The following LYPD1 variants were observed in gnomAD, a reference collection of about 807,000 sequenced individuals.
The protein encoded by LYPD1 is LY6/PLAUR domain containing 1.
Under a neutral mutation model 14.2 loss-of-function variants are expected in LYPD1, and 14 were observed. The ratio of observed to expected loss-of-function variants is 0.99; its 90% CI spans 0.65 to 1.54. LYPD1 has a LOEUF of 1.54. Among genes scored for constraint, LYPD1 ranks in the 40% most tolerant of loss-of-function variants. The pLI is 0.00. For synonymous variants in LYPD1, 85 were observed against 70.6 expected (o/e 1.20, Z -1.02); for missense variants, 165 against 175.7 (o/e 0.94, Z 0.34).
chr2:132,644,790 A>G lies in LYPD1; in HGVS notation c.*1255T>C, dbSNP rs1312368389. The G allele has an allele frequency of 2.8e-5, 9 of 322,642 alleles. No individual in the cohort carries two copies. Among genetic ancestry groups the G allele is most frequent in the Non-Finnish European group, 4.0e-5 (7 of 177,210 alleles). 20.0% of individuals were successfully genotyped at this position (322,642 alleles called of 1,614,324 possible). On this transcript the variant is annotated 3_prime_UTR_variant, in exon 3 of 3. Transcript: ENST00000397463. ...ATGGATAACATGAACTGCTTTCTGGATACGCAAACAAACACCAATGAAAAC... is the reference window on the plus strand; with the variant it reads ...ATGGATAACATGAACTGCTTTCTGGGTACGCAAACAAACACCAATGAAAAC...
At position 132,648,619 on chromosome 2, in the gene LYPD1, T is replaced by A. The variant is rs72985841; in HGVS notation, c.191-2339A>T. Among the ~76,000 whole-genome samples, 104 of 152,368 alleles carry A rather than the reference T, an allele frequency of 6.8e-4. 1 individual carries two copies. The highest frequency in any genetic ancestry group is 2.5e-3 in the African/African-American group (102 of 41,590). On this transcript the variant is annotated intron_variant, in intron 2 of 2. Coordinates refer to ENST00000397463, the MANE Select transcript of LYPD1 (RefSeq NM_144586.7). ...TTAGTTGGATAAATAGTGCATGTCCTTATGAAGAGATGGACTAACAGAGCC... is the reference window on the plus strand; with the variant it reads ...TTAGTTGGATAAATAGTGCATGTCCATATGAAGAGATGGACTAACAGAGCC...
intron 2 of LYPD1, among the ~76,000 whole-genome samples, chr2:132,655,012 A>G (rs912697003): frequency 2.6e-5 from 4 of 152,130 alleles, no homozygotes; most frequent in African/African-American, 7.2e-5. Flanking sequence ...GATTACAAGC[A>G]TGAGCCACGG....
At chr2:132,660,778 T>C (rs2244888) in intron 2 of LYPD1, among the ~76,000 whole-genome samples, 100,689 of 152,084 alleles carry the variant, frequency 0.66, 34,654 homozygotes, top group African/African-American at 0.86. Context: ...ATATGTCTCA[T>C]GGTTAAATGA....
At chr2:132,648,576 G>A (rs556780865) in intron 2 of LYPD1, among the ~76,000 whole-genome samples, 1 of 152,364 alleles carries the variant, frequency 6.6e-6, no homozygotes, top group South Asian at 2.1e-4. Context: ...CAGGGTTAAG[G>A]ATCAGTGATG....
At chr2:132,671,269 A>C (rs1366195678), upstream of LYPD1, 1 of 152,382 alleles carries the variant, frequency 6.6e-6, no homozygotes, top group Non-Finnish European at 1.5e-5. Flanking sequence ...TGCCCGCCGG[A>C]GTGCGTTGGT....
intron 2 of LYPD1, among the ~76,000 whole-genome samples, chr2:132,650,939 C>A (rs1277957533): frequency 6.6e-6 from 1 of 151,986 alleles, no homozygotes; most frequent in Non-Finnish European, 1.5e-5. Flanking sequence ...GGATTTAAGC[C>A]CAGGAGATCT....
intron 2 of LYPD1, among the ~76,000 whole-genome samples, chr2:132,660,944 A>T (rs2104917930): frequency 6.6e-6 from 1 of 152,288 alleles, no homozygotes; most frequent in Admixed American, 6.5e-5. Context: ...ACCTCTCTCA[A>T]CCTGCTTTAT....
intron 2 of LYPD1, among the ~76,000 whole-genome samples, chr2:132,655,514 A>ATTTTTTTTTTTTTTTTTT (rs1180944589): frequency 1.0e-5 from 1 of 99,458 alleles, no homozygotes; most frequent in African/African-American, 4.8e-5. Context: ...GTTGAGAAGC[A>ATTTTTTTTTTTTTTTTTT]TTTTTTTTTT....
chr2:132,660,820 T>C (rs1020062425), intron 2 of LYPD1, among the ~76,000 whole-genome samples: 3 of 152,118 alleles, frequency 2.0e-5, no homozygotes, highest in African/African-American at 7.3e-5. Context: ...AAGGCTGTAA[T>C]CAAATGATTT....
chr2:132,646,330 T>G, intron 2 of LYPD1, 50 bp from the exon 3 acceptor site: 1 of 1,287,878 alleles, frequency 7.8e-7, no homozygotes, highest in Non-Finnish European at 1.0e-6. Context: ...GGCAAAAGAA[T>G]AGCTGTCCCT....
Position 132,646,080 on chromosome 2 carries a change from A to G in LYPD1, c.391T>C (p.Phe131Leu), listed in dbSNP as rs757079418. The change falls in exon 3 of 3, where the codon TTC (phenylalanine) becomes CTC (leucine). Residue 131 changes from phenylalanine (F) to leucine (L), a missense_variant. Transcript: ENST00000397463. The part of the protein sequence containing the change: ...LRPGLRTTIL[F>L]LKLALFSAHC ...GCCGAGAAGAGGGCTAATTTGAGGA[A>G]CAGGATGGTGGTGCGGAGCCCTGGC... The G allele has an allele frequency of 1.3e-5, 21 of 1,598,586 alleles. No individual in the cohort carries two copies. Among genetic ancestry groups the G allele is most frequent in the Non-Finnish European group, 1.4e-5 (16 of 1,171,370 alleles).
intron 2 of LYPD1, among the ~76,000 whole-genome samples, chr2:132,653,115 A>G (rs74426197): frequency 0.028 from 4,323 of 152,242 alleles, 208 homozygotes; most frequent in African/African-American, 0.098. Flanking sequence ...AATGGGATGG[A>G]GGAAACTAAA....
rs200913815 is a variant in LYPD1 at position 132,657,805 on chromosome 2, CAATT to C, written c.190+10591_190+10594del. Among the ~76,000 whole-genome samples the C allele has an allele frequency of 9.2e-3, 1,404 of 152,228 alleles. 28 individuals are homozygous for C. The highest frequency in any genetic ancestry group is 0.03 in the African/African-American group (1,241 of 41,522). On this transcript the variant is annotated intron_variant, in intron 2 of 2. Coordinates refer to ENST00000397463, the MANE Select transcript of LYPD1 (RefSeq NM_144586.7). ...TCCTTTGACTATACATTTCAGCGTTCAATTGAGGTAAAATAATGGTGATTTTCGG... is the reference window on the plus strand; with the variant it reads ...TCCTTTGACTATACATTTCAGCGTTCGAGGTAAAATAATGGTGATTTTCGG...
At chr2:132,655,514 A>AT (rs1180944589) in intron 2 of LYPD1, among the ~76,000 whole-genome samples, 1,681 of 99,418 alleles carry the variant, frequency 0.017, 57 homozygotes, top group South Asian at 0.03. Flanking sequence ...GTTGAGAAGC[A>AT]TTTTTTTTTT....
chr2:132,645,966 G>A lies in LYPD1; in HGVS notation c.*79C>T. 9.1e-7 allele frequency: 1 copy of A among 1,093,314 alleles called. No individual in the cohort carries two copies. Among genetic ancestry groups the A allele is most frequent in the Non-Finnish European group, 1.3e-6 (1 of 769,968 alleles). The allele number at this position is 1,093,314 out of a possible 1,614,324, so 67.7% of individuals were successfully genotyped here. A position where few individuals can be genotyped will look rare whatever the true frequency, so the allele number is the denominator to read the frequency against. ...ACCCAGAATAAAAGGACACCCAGAA[G>A]AAACTCACTCAGGGAGGTGGGGGGT... On this transcript the variant is annotated 3_prime_UTR_variant, in exon 3 of 3. Coordinates refer to ENST00000397463, the MANE Select transcript of LYPD1 (RefSeq NM_144586.7).
chr2:132,666,230 T>C (rs774777415), intron 2 of LYPD1, among the ~76,000 whole-genome samples: 2 of 152,200 alleles, frequency 1.3e-5, no homozygotes, highest in Non-Finnish European at 2.9e-5. Flanking sequence ...CTATCCTTAT[T>C]GGCAAAAAAT....
At position 132,645,370 on chromosome 2, in the gene LYPD1, G is replaced by C; in HGVS notation, c.*675C>G. The C allele has an allele frequency of 1.2e-6, 2 of 1,613,812 alleles. No individual in the cohort carries two copies. The highest frequency in any genetic ancestry group is 1.7e-6 in the Non-Finnish European group (2 of 1,179,990). ...CGCCAACCACGAGAAGCGCCTGCGCGTACATGCGCACTCCACCACCGACAG... is the reference window on the plus strand; with the variant it reads ...CGCCAACCACGAGAAGCGCCTGCGCCTACATGCGCACTCCACCACCGACAG... On this transcript the variant is annotated 3_prime_UTR_variant, in exon 3 of 3. Coordinates refer to ENST00000397463, the MANE Select transcript of LYPD1 (RefSeq NM_144586.7).
At position 132,661,835 on chromosome 2, in the gene LYPD1, C is replaced by T. The variant is rs148906541; in HGVS notation, c.190+6565G>A. On this transcript the variant is annotated intron_variant, in intron 2 of 2. Transcript: ENST00000397463. ...ATAGTTACACTTCTCTATGAATAAA[C>T]GAAAAACCACATAATTGCATACTTT... is the stretch of plus-strand genomic sequence containing the variant. Among the ~76,000 whole-genome samples, 951 of 150,090 alleles carry T rather than the reference C, an allele frequency of 6.3e-3. 10 individuals are homozygous for T. The highest frequency in any genetic ancestry group is 0.022 in the African/African-American group (879 of 40,754).
At position 132,646,174 on chromosome 2, in the gene LYPD1, G is replaced by A. The variant is rs1198585307; in HGVS notation, c.297C>T (p.Ser99=). ...SPGKLNSVCI[S]CCNTPLCNGP... ...CGTTACAAAGAGGGGTGTTGCAGCA[G>A]CTGATGCAAACTGAGTTCAGTTTCC... Residue 99 remains serine (S), a synonymous_variant, in exon 3 of 3, where the codon AGC becomes AGT. Coordinates refer to ENST00000397463, the MANE Select transcript of LYPD1 (RefSeq NM_144586.7). The A allele has an allele frequency of 6.8e-6, 11 of 1,611,162 alleles. No individual in the cohort carries two copies. Among genetic ancestry groups the A allele is most frequent in the Non-Finnish European group, 8.5e-6 (10 of 1,178,482 alleles).
Sources: gnomAD v4.1 joint callset for allele counts (sites outside exome capture counted in the v4.1 genomes callset) on GRCh38, gnomAD v4.1.1 for gene constraint, MANE v1.5 for transcripts, NCBI Gene and HGNC (gene_info 2026-07-23, HGNC 2026-07-21) for gene names.